Variants in PAN3 observed in about 807,000 individuals in gnomAD.
PAN3 encodes poly(A) specific ribonuclease subunit PAN3, also known as PAN2-PAN3 deadenylation complex subunit PAN3.
In PAN3, 19 loss-of-function variants were observed where a neutral mutation model predicts 96.2. The observed-to-expected ratio is 0.20, with a 90% CI of 0.14 to 0.29. The LOEUF is 0.29. Ranked by LOEUF, PAN3 falls within the 10% of genes least tolerant of loss-of-function variation. The pLI is 1.00. For synonymous variants in PAN3, 433 were observed against 406.6 expected (o/e 1.06, Z -0.78); for missense variants, 882 against 1,108.1 (o/e 0.80, Z 2.90).
chr13:28,259,482 T>C (rs138336213), intron 7 of PAN3, among the ~76,000 whole-genome samples: 1,598 of 152,002 alleles, frequency 0.011, 25 homozygotes, highest in African/African-American at 0.036. Flanking sequence ...ATTTTTTGTA[T>C]TTTTAGTAGA....
At position 28,260,567 on chromosome 13, in the gene PAN3, T is replaced by C; in HGVS notation, c.1353+16T>C. Reference sequence around the variant, plus strand: ...ACTCCGACAGGTATGCTTTCAGAATTCATAGTAGGAATACTTAATGTCTCC... The same window carrying C: ...ACTCCGACAGGTATGCTTTCAGAATCCATAGTAGGAATACTTAATGTCTCC... On this transcript the variant is annotated intron_variant, in intron 8 of 18. Transcript: ENST00000380958. 1.3e-6 allele frequency: 2 copies of C among 1,573,150 alleles called. No individual in the cohort carries two copies. Among genetic ancestry groups the C allele is most frequent in the African/African-American group, 2.7e-5 (2 of 74,022 alleles).
intron 9 of PAN3, among the ~76,000 whole-genome samples, chr13:28,263,853 A>AT (rs199814505): frequency 0.016 from 2,432 of 152,254 alleles, 65 homozygotes; most frequent in African/African-American, 0.055. Flanking sequence ...AATATTTAAA[A>AT]TTTTTTTGTC....
At chr13:28,189,893 A>C (rs190901047) in intron 4 of PAN3, among the ~76,000 whole-genome samples, 1 of 152,164 alleles carries the variant, frequency 6.6e-6, no homozygotes, top group African/African-American at 2.4e-5. Flanking sequence ...TATATTTTCA[A>C]ACCTTTTCTT....
intron 1 of PAN3, among the ~76,000 whole-genome samples, chr13:28,170,641 A>G (rs377374854): frequency 2.9e-4 from 44 of 152,304 alleles, no homozygotes; most frequent in African/African-American, 1.0e-3. Flanking sequence ...TAACCATTCT[A>G]TTTTATTAGG....
At chr13:28,169,181 A>G (rs1008801629) in intron 1 of PAN3, among the ~76,000 whole-genome samples, 10 of 151,434 alleles carry the variant, frequency 6.6e-5, no homozygotes, top group African/African-American at 9.7e-5. Context: ...ATTTAAATTT[A>G]AAAGTATTCT....
At chr13:28,252,593 T>C (rs1289802184) in intron 6 of PAN3, among the ~76,000 whole-genome samples, 1 of 152,168 alleles carries the variant, frequency 6.6e-6, no homozygotes, top group African/African-American at 2.4e-5. Context: ...CCTGTGTTGT[T>C]CCTTACTTTT....
intron 4 of PAN3, among the ~76,000 whole-genome samples, chr13:28,192,177 C>T (rs542456149): frequency 3.3e-5 from 5 of 151,780 alleles, no homozygotes; most frequent in African/African-American, 9.7e-5. Flanking sequence ...TCAAGAGATT[C>T]TCCTGCCTCA....
chr13:28,262,239 T>A lies in PAN3; in HGVS notation c.1411+781T>A, dbSNP rs45531038. Reference sequence around the variant, plus strand: ...GGTAAACAGCTGACTGATTCCAGACTTAAAACTAGGTTGTTCTAACTGTAC... The same window carrying A: ...GGTAAACAGCTGACTGATTCCAGACATAAAACTAGGTTGTTCTAACTGTAC... On this transcript the variant is annotated intron_variant, in intron 9 of 18. Transcript: ENST00000380958. 2.9e-3 allele frequency among the ~76,000 whole-genome samples: 447 copies of A among 152,356 alleles called. 2 individuals are homozygous for A. The highest frequency in any genetic ancestry group is 9.8e-3 in the African/African-American group (408 of 41,586).
chr13:28,263,316 G>A (rs1885889745), intron 9 of PAN3, among the ~76,000 whole-genome samples: 1 of 152,156 alleles, frequency 6.6e-6, no homozygotes, highest in African/African-American at 2.4e-5. Flanking sequence ...TTGGAAAAAT[G>A]TTTTTGGTTT....
chr13:28,215,061 T>C, intron 5 of PAN3: 2 of 1,035,046 alleles, frequency 1.9e-6, no homozygotes, highest in South Asian at 2.5e-5. Context: ...TAAAATTGGC[T>C]ACAATCCTGA....
At chr13:28,187,692 TG>T (rs1428988513) in intron 4 of PAN3, among the ~76,000 whole-genome samples, 2 of 152,234 alleles carry the variant, frequency 1.3e-5, no homozygotes, top group Non-Finnish European at 2.9e-5. Flanking sequence ...TATGTTCTGC[TG>T]TGTTTGATAT....
chr13:28,176,368 T>TA (rs1874992328), intron 2 of PAN3, 125 bp from the exon 3 acceptor site: 1 of 833,722 alleles, frequency 1.2e-6, no homozygotes, highest in Non-Finnish European at 1.9e-6. Flanking sequence ...ACAGGAAGAT[T>TA]AGATTGTCAG....
At chr13:28,204,752 C>T (rs1035989148) in intron 5 of PAN3, among the ~76,000 whole-genome samples, 3 of 152,112 alleles carry the variant, frequency 2.0e-5, no homozygotes, top group Non-Finnish European at 4.4e-5. Flanking sequence ...CATAATATTG[C>T]AGGTTAAGAT....
intron 6 of PAN3, among the ~76,000 whole-genome samples, chr13:28,242,253 T>G (rs1020404334): frequency 7.2e-5 from 11 of 152,212 alleles, no homozygotes; most frequent in Non-Finnish European, 1.5e-5. Context: ...TTTGTTATAC[T>G]TAGTACTTCT....
chr13:28,181,585 T>C (rs974880830), intron 4 of PAN3, among the ~76,000 whole-genome samples: 20 of 151,526 alleles, frequency 1.3e-4, no homozygotes, highest in Non-Finnish European at 2.5e-4. Flanking sequence ...GGCTGTATAA[T>C]TGTTGTTAAC....
intron 12 of PAN3, among the ~76,000 whole-genome samples, chr13:28,269,484 A>G (rs1180927050): frequency 2.0e-5 from 3 of 152,088 alleles, no homozygotes; most frequent in African/African-American, 7.2e-5. Flanking sequence ...AAAGCAAAGT[A>G]TAAGAAATAT....
chr13:28,139,153 G>C, intron 1 of PAN3, 66 bp downstream of exon 1: 1 of 1,247,556 alleles, frequency 8.0e-7, no homozygotes, highest in African/African-American at 1.6e-5. Context: ...ATGAGGCCCT[G>C]CTGCCGACGG....
chr13:28,144,718 CTTT>C (rs1555267660), intron 1 of PAN3, among the ~76,000 whole-genome samples: 2 of 46,774 alleles, frequency 4.3e-5, no homozygotes, highest in Non-Finnish European at 9.0e-5. Context: ...AAAACATCAT[CTTT>C]TTTTTTTTTT....
intron 1 of PAN3, among the ~76,000 whole-genome samples, chr13:28,144,855 G>C (rs1261532943): frequency 6.6e-6 from 1 of 151,630 alleles, no homozygotes; most frequent in Non-Finnish European, 1.5e-5. Context: ...AAGTAGCTGG[G>C]ATTACAGGAG....
Sources: gnomAD v4.1 joint callset for allele counts (sites outside exome capture counted in the v4.1 genomes callset) on GRCh38, gnomAD v4.1.1 for gene constraint, MANE v1.5 for transcripts, NCBI Gene and HGNC (gene_info 2026-07-23, HGNC 2026-07-21) for gene names.